The following FGF2 variants were observed in gnomAD, a reference collection of about 807,000 sequenced individuals.
FGF2 encodes the protein fibroblast growth factor 2, also known as basic fibroblast growth factor bFGF.
Under a neutral mutation model 15.9 loss-of-function variants are expected in FGF2, and 13 were observed. The ratio of observed to expected loss-of-function variants is 0.82; its 90% CI spans 0.53 to 1.30. The LOEUF (loss-of-function observed/expected upper bound fraction) is 1.30. Ranked by LOEUF, FGF2 falls within the 50% of genes most tolerant of loss-of-function variation. FGF2 has a pLI of 0.00. For missense variants in FGF2, 163 were observed against 196.9 expected (o/e 0.83, Z 1.03); for synonymous variants, 90 against 78.4 (o/e 1.15, Z -0.78).
At chr4:122,872,330 G>T (rs535893637) in intron 1 of FGF2, among the ~76,000 whole-genome samples, 2 of 152,226 alleles carry the variant, frequency 1.3e-5, no homozygotes, top group South Asian at 4.2e-4. Context: ...AGAGAAGAAA[G>T]AATGTGAAGG....
chr4:122,892,449 GAAATTTGTTAATGAGAGT>G lies in FGF2; in HGVS notation c.*57_*74del. The G allele has an allele frequency of 6.2e-7, 1 of 1,611,152 alleles. No individual in the cohort carries two copies. Among genetic ancestry groups the G allele is most frequent in the Non-Finnish European group, 8.5e-7 (1 of 1,177,816 alleles). The stretch of plus-strand genomic sequence containing the variant: ...CACATGAAAGAAGAAGTATATTTTA[GAAATTTGTTAATGAGAGT>G]AAAAGAAAATAAATGTGTATAGCTC... On this transcript the variant is annotated 3_prime_UTR_variant, in exon 3 of 3. Coordinates refer to ENST00000644866, the MANE Select transcript of FGF2 (RefSeq NM_001361665.2).
chr4:122,885,237 G>A (rs979266769), intron 2 of FGF2, among the ~76,000 whole-genome samples: 1 of 152,110 alleles, frequency 6.6e-6, no homozygotes, highest in Admixed American at 6.5e-5. Flanking sequence ...TTTATTGTAA[G>A]CTATCTGAAA....
chr4:122,862,060 C>T (rs1201680130), intron 1 of FGF2, among the ~76,000 whole-genome samples: 1 of 152,134 alleles, frequency 6.6e-6, no homozygotes, highest in Non-Finnish European at 1.5e-5. Flanking sequence ...CAGTCCTCAT[C>T]GCCTCAACCA....
intron 1 of FGF2, among the ~76,000 whole-genome samples, chr4:122,875,404 T>A (rs1253658962): frequency 6.7e-6 from 1 of 150,086 alleles, no homozygotes; most frequent in African/African-American, 2.4e-5. Context: ...ATTTTGTGTT[T>A]CCACTAGATA....
intron 1 of FGF2, among the ~76,000 whole-genome samples, chr4:122,872,794 G>T (rs185304339): frequency 2.0e-5 from 3 of 152,288 alleles, no homozygotes; most frequent in South Asian, 2.1e-4. Context: ...AAGCGAAGGA[G>T]AAATAAAATC....
At chr4:122,872,106 C>A (rs1726750582) in intron 1 of FGF2, among the ~76,000 whole-genome samples, 1 of 152,046 alleles carries the variant, frequency 6.6e-6, no homozygotes, top group South Asian at 2.1e-4. Flanking sequence ...TAAACCAATG[C>A]AAAGACGCTA....
intron 1 of FGF2, among the ~76,000 whole-genome samples, chr4:122,842,849 T>C (rs1201867276): frequency 6.6e-6 from 1 of 152,238 alleles, no homozygotes; most frequent in Non-Finnish European, 1.5e-5. Flanking sequence ...ATTTGCCTTA[T>C]TAAAAAGCCA....
intron 1 of FGF2, among the ~76,000 whole-genome samples, chr4:122,844,586 T>TCTTC (rs554560967): frequency 0.059 from 7,859 of 133,784 alleles, 353 homozygotes; most frequent in African/African-American, 0.12. Flanking sequence ...TTTCTTTCTT[T>TCTTC]CTTCCTTCCT....
chr4:122,865,629 T>C (rs1726558577), intron 1 of FGF2, among the ~76,000 whole-genome samples: 1 of 152,202 alleles, frequency 6.6e-6, no homozygotes, highest in African/African-American at 2.4e-5. Context: ...TTTCCAAATA[T>C]TTGGGGATTT....
intron 1 of FGF2, among the ~76,000 whole-genome samples, chr4:122,848,562 C>T (rs1726163480): frequency 4.6e-5 from 7 of 152,138 alleles, no homozygotes; most frequent in Admixed American, 4.6e-4. Flanking sequence ...CTCCAAAGCA[C>T]CCCCTACTCT....
intron 2 of FGF2, among the ~76,000 whole-genome samples, chr4:122,885,998 A>G (rs529783919): frequency 6.8e-6 from 1 of 147,740 alleles, no homozygotes; most frequent in South Asian, 2.1e-4. Context: ...AGATCACCAC[A>G]ATCTTGAATT....
At position 122,892,339 on chromosome 4, in the gene FGF2, C is replaced by T. The variant is rs544705487; in HGVS notation, c.411C>T (p.Ser137=). ...LKRTGQYKLG[S]KTGPGQKAIL... ...GAACTGGGCAGTATAAACTTGGATC[C>T]AAAACAGGACCTGGGCAGAAAGCTA... The change falls in exon 3 of 3, where the codon TCC becomes TCT. Residue 137 remains serine (S), a synonymous_variant. Transcript: ENST00000644866. 11 of 1,614,024 alleles carry T rather than the reference C, an allele frequency of 6.8e-6. No homozygotes were observed. In the Middle Eastern group the frequency reaches 6.6e-4, roughly 97 times the overall value.
intron 1 of FGF2, among the ~76,000 whole-genome samples, chr4:122,828,467 A>G (rs559709689): frequency 6.6e-6 from 1 of 152,316 alleles, no homozygotes; most frequent in East Asian, 1.9e-4. Context: ...TATGGGTTCC[A>G]GGTGGAGAAT....
chr4:122,881,408 C>T (rs1388064998), intron 2 of FGF2, among the ~76,000 whole-genome samples: 1 of 152,136 alleles, frequency 6.6e-6, no homozygotes, highest in African/African-American at 2.4e-5. Context: ...AAACTGAATG[C>T]CTTTAACAGC....
intron 1 of FGF2, among the ~76,000 whole-genome samples, chr4:122,873,456 G>T (rs1726779012): frequency 1.3e-5 from 2 of 152,222 alleles, no homozygotes; most frequent in South Asian, 4.1e-4. Context: ...ATATGGAGTT[G>T]CTCTTTGATC....
intron 1 of FGF2, among the ~76,000 whole-genome samples, chr4:122,829,417 A>G (rs421184): frequency 0.11 from 17,249 of 152,106 alleles, 1,688 homozygotes; most frequent in African/African-American, 0.25. Flanking sequence ...AATACCCTCA[A>G]CAAAAACATT....
chr4:122,892,243 A>G lies in FGF2; in HGVS notation c.315A>G (p.Glu105=). 6.2e-7 allele frequency: 1 copy of G among 1,613,728 alleles called. No homozygotes were observed. The highest frequency in any genetic ancestry group is 8.5e-7 in the Non-Finnish European group (1 of 1,179,636). ...TTACGGATGAGTGTTTCTTTTTTGA[A>G]CGATTGGAATCTAATAACTACAATA... ...KCVTDECFFF[E]RLESNNYNTY... is the part of the protein sequence containing the mutation. Residue 105 remains glutamate (E), a synonymous_variant, in exon 3 of 3, where the codon GAA becomes GAG. Transcript: ENST00000644866.
At chr4:122,848,228 T>C (rs139928890) in intron 1 of FGF2, among the ~76,000 whole-genome samples, 1 of 152,328 alleles carries the variant, frequency 6.6e-6, no homozygotes, top group East Asian at 1.9e-4. Flanking sequence ...AGCTCAACAC[T>C]GAGACCCTAA....
intron 1 of FGF2, among the ~76,000 whole-genome samples, chr4:122,858,678 G>A (rs1168763900): frequency 1.3e-5 from 2 of 152,134 alleles, no homozygotes; most frequent in South Asian, 2.1e-4. Flanking sequence ...GGTTACAGAC[G>A]TGAGCCACCG....
Sources: allele counts gnomAD v4.1 joint callset (sites outside exome capture counted in the v4.1 genomes callset), GRCh38; gene constraint gnomAD v4.1.1; transcripts MANE v1.5; gene names NCBI Gene and HGNC (gene_info 2026-07-23, HGNC 2026-07-21).